FAM168A: variants seen among roughly 807,000 people sequenced by gnomAD.
The protein encoded by FAM168A is family with sequence similarity 168 member A.
FAM168A carries 3 observed loss-of-function variants against 28.5 expected under a neutral mutation model. The observed-to-expected ratio is 0.11, with a 90% CI of 0.05 to 0.27. The LOEUF (loss-of-function observed/expected upper bound fraction) is 0.27, where lower values mean the gene tolerates loss of function less well. Ranked by LOEUF, FAM168A falls within the 10% of genes least tolerant of loss-of-function variation. FAM168A has a pLI of 1.00. For missense variants in FAM168A, 222 were observed against 311.5 expected (o/e 0.71, Z 2.16); for synonymous variants, 122 against 124.2 (o/e 0.98, Z 0.12).
chr11:73,508,827 A>C (rs914941476), intron 1 of FAM168A, among the ~76,000 whole-genome samples: 3 of 152,248 alleles, frequency 2.0e-5, no homozygotes, highest in Non-Finnish European at 4.4e-5. Context: ...TCAAAAAGCC[A>C]GTGTAATATG....
intron 1 of FAM168A, among the ~76,000 whole-genome samples, chr11:73,566,014 C>T (rs1944017201): frequency 6.6e-6 from 1 of 152,182 alleles, no homozygotes; most frequent in Non-Finnish European, 1.5e-5. Flanking sequence ...CTTAAGTTTG[C>T]ATGCAATTAG....
At chr11:73,578,630 C>T (rs1414142467) in intron 1 of FAM168A, among the ~76,000 whole-genome samples, 1 of 152,166 alleles carries the variant, frequency 6.6e-6, no homozygotes, top group Non-Finnish European at 1.5e-5. Context: ...TTTATGTAAA[C>T]GGTTAGTAAA....
At chr11:73,549,347 C>T (rs546347015) in intron 1 of FAM168A, among the ~76,000 whole-genome samples, 19 of 152,264 alleles carry the variant, frequency 1.2e-4, no homozygotes, top group Admixed American at 3.9e-4. Flanking sequence ...CTTCCAATAG[C>T]CATTAACCAT....
intron 1 of FAM168A, among the ~76,000 whole-genome samples, chr11:73,591,191 T>C (rs932431833): frequency 2.0e-5 from 3 of 151,656 alleles, no homozygotes; most frequent in East Asian, 1.9e-4. Context: ...ACCAGGAAGA[T>C]TTATATGCAG....
chr11:73,518,486 G>T (rs1172660054), intron 1 of FAM168A, among the ~76,000 whole-genome samples: 1 of 151,856 alleles, frequency 6.6e-6, no homozygotes, highest in Non-Finnish European at 1.5e-5. Context: ...GGGCCTAGTG[G>T]GAGGTATGTA....
chr11:73,497,079 C>T (rs901549020), intron 1 of FAM168A, among the ~76,000 whole-genome samples: 6 of 152,134 alleles, frequency 3.9e-5, no homozygotes, highest in African/African-American at 1.4e-4. Context: ...CATCGAAAGC[C>T]CTGCGTGATC....
In FAM168A at chr11:73,426,767, G is replaced by T. The variant is rs576695590; in HGVS notation, c.151+3923C>A. 3.6e-3 allele frequency among the ~76,000 whole-genome samples: 544 copies of T among 151,034 alleles called. 3 individuals carry two copies. Among genetic ancestry groups the T allele is most frequent in the African/African-American group, 0.013 (513 of 40,960 alleles). On this transcript the variant is annotated intron_variant, in intron 3 of 7. Transcript: ENST00000356467. ...TCAAAGGGAAAGGGATCTTCCCAAG[G>T]TTGCACCAAAATCAGAAGCAAAGTT...
chr11:73,588,522 C>T (rs371352518), intron 1 of FAM168A, among the ~76,000 whole-genome samples: 13 of 152,194 alleles, frequency 8.5e-5, no homozygotes, highest in African/African-American at 2.4e-4. Flanking sequence ...GAAATCCCGT[C>T]TCTATGAAAA....
chr11:73,438,347 T>G (rs1867129997), intron 2 of FAM168A, among the ~76,000 whole-genome samples: 1 of 152,210 alleles, frequency 6.6e-6, no homozygotes, highest in African/African-American at 2.4e-5. Context: ...TGGGAAAGGC[T>G]TCTTAGAGAA....
chr11:73,539,802 G>A (rs1943631540), intron 1 of FAM168A, among the ~76,000 whole-genome samples: 1 of 152,138 alleles, frequency 6.6e-6, no homozygotes, highest in African/African-American at 2.4e-5. Context: ...AGTTGTGTTG[G>A]GCTGCAATTG....
rs574811150 is a variant in FAM168A at position 73,570,971 on chromosome 11, T to C, written c.-19+26952A>G. Among the ~76,000 whole-genome samples, 209 of 152,228 alleles carry C rather than the reference T, an allele frequency of 1.4e-3. 1 individual carries two copies. Among genetic ancestry groups the C allele is most frequent in the Non-Finnish European group, 2.4e-3 (162 of 68,016 alleles). ...AGAAAGATGCCTAAGTATGTTCTTA[T>C]AGGCAAATAAAACACAGACTTTGAA... On this transcript the variant is annotated intron_variant, in intron 1 of 7. Coordinates refer to ENST00000356467, the MANE Select transcript of FAM168A (RefSeq NM_015159.3).
At chr11:73,441,443 A>G (rs1191161533) in intron 2 of FAM168A, among the ~76,000 whole-genome samples, 1 of 152,208 alleles carries the variant, frequency 6.6e-6, no homozygotes, top group East Asian at 1.9e-4. Context: ...CTGGGTTTCT[A>G]CATTTGTATT....
intron 1 of FAM168A, among the ~76,000 whole-genome samples, chr11:73,473,130 A>G (rs1202198809): frequency 6.6e-6 from 1 of 152,188 alleles, no homozygotes; most frequent in Admixed American, 6.5e-5. Flanking sequence ...AGTCCCTGTC[A>G]GTCTTATAAT....
Position 73,531,830 on chromosome 11 carries a change from G to C in FAM168A, c.-18-63338C>G, listed in dbSNP as rs186145205. Among the ~76,000 whole-genome samples, 996 of 144,530 alleles carry C rather than the reference G, an allele frequency of 6.9e-3. 16 individuals are homozygous for C. Among genetic ancestry groups the C allele is most frequent in the African/African-American group, 0.026 (963 of 37,568 alleles). 94.8% of individuals were successfully genotyped at this position (144,530 alleles called of 152,430 possible). On this transcript the variant is annotated intron_variant, in intron 1 of 7. Transcript: ENST00000356467. Reference sequence around the variant, plus strand: ...TTTTTTTTTTTTTTTTTTGAGACAGGGTCTCCCTCTGTCACCCAGGCTGGA... The same window carrying C: ...TTTTTTTTTTTTTTTTTTGAGACAGCGTCTCCCTCTGTCACCCAGGCTGGA...
intron 2 of FAM168A, among the ~76,000 whole-genome samples, chr11:73,462,952 T>C (rs992692120): frequency 6.6e-6 from 1 of 151,592 alleles, no homozygotes; most frequent in Non-Finnish European, 1.5e-5. Context: ...GAGGTTAAGA[T>C]AGCAAATTTT....
Position 73,402,395 on chromosome 11 carries a change from T to G in FAM168A, c.*4368A>C, listed in dbSNP as rs1191922187. ...TCCTATCTGTATGAGGAGCCAAAAC[T>G]TGGTGACCAAGGGGCCTGTCCTTTT... is the stretch of plus-strand genomic sequence containing the variant. On this transcript the variant is annotated 3_prime_UTR_variant, in exon 8 of 8. Transcript: ENST00000356467. 2 of 152,216 alleles carry G rather than the reference T, an allele frequency of 1.3e-5. No individual in the cohort carries two copies. Among genetic ancestry groups the G allele is most frequent in the Non-Finnish European group, 2.9e-5 (2 of 68,046 alleles). The allele number at this position is 152,216 out of a possible 1,614,324, so 9.4% of individuals were successfully genotyped here. A position where few individuals can be genotyped will look rare whatever the true frequency, so the allele number is the denominator to read the frequency against.
At chr11:73,425,564 G>A (rs1013082240) in intron 3 of FAM168A, among the ~76,000 whole-genome samples, 1 of 152,234 alleles carries the variant, frequency 6.6e-6, no homozygotes, top group East Asian at 1.9e-4. Flanking sequence ...GGTCAGACAA[G>A]TTGGGTTTGA....
At chr11:73,504,515 G>A (rs1322827194) in intron 1 of FAM168A, among the ~76,000 whole-genome samples, 5 of 152,154 alleles carry the variant, frequency 3.3e-5, no homozygotes, top group Non-Finnish European at 7.3e-5. Context: ...AGATGCTGGC[G>A]AGGCTGTGGA....
At chr11:73,522,133 C>T (rs548728597) in intron 1 of FAM168A, among the ~76,000 whole-genome samples, 1 of 151,358 alleles carries the variant, frequency 6.6e-6, no homozygotes, top group African/African-American at 2.4e-5. Context: ...TTGTCAGGGG[C>T]CAGCAATCAA....
Sources: allele counts gnomAD v4.1 joint callset (sites outside exome capture counted in the v4.1 genomes callset), GRCh38; gene constraint gnomAD v4.1.1; transcripts MANE v1.5; gene names NCBI Gene and HGNC (gene_info 2026-07-23, HGNC 2026-07-21).